WSCD1: variants seen among roughly 807,000 people sequenced by gnomAD.
The protein encoded by WSCD1 is WSC domain sialate O sulfotransferase 1.
A neutral mutation model predicts 60.4 loss-of-function variants in WSCD1; 41 were observed. The ratio of observed to expected loss-of-function variants is 0.68; its 90% CI spans 0.53 to 0.88. The LOEUF is 0.88. Among genes scored for constraint, WSCD1 ranks in the 40% least tolerant of loss-of-function variants. WSCD1 has a pLI of 0.00. For missense variants in WSCD1, 784 were observed against 796.2 expected, an observed-to-expected ratio of 0.98 and a Z score of 0.18; for synonymous variants, 361 against 332.5, an observed-to-expected ratio of 1.09 and a Z score of -0.93.
rs962418683 is a variant in WSCD1, at chr17:6,079,566, C to T, written c.-288-805C>T. Among the ~76,000 whole-genome samples, 27 of 152,164 alleles carry T rather than the reference C, an allele frequency of 1.8e-4. 1 individual carries two copies. The highest frequency in any genetic ancestry group is 4.8e-5 in the African/African-American group (2 of 41,430). On this transcript the variant is annotated intron_variant, in intron 1 of 8. Transcript: ENST00000317744. ...TCTGTTTGCAGGTGCACGGCTCAGG[C>T]GCTACCCTGGTCCTTTGATTCTGGC...
chr17:6,073,734 G>A (rs1456665737), intron 1 of WSCD1, among the ~76,000 whole-genome samples: 2 of 152,246 alleles, frequency 1.3e-5, no homozygotes, highest in East Asian at 3.9e-4. Flanking sequence ...ACCAGGAAAG[G>A]AAAAATGCCG....
rs374556318 is a variant in WSCD1 at position 6,120,561 on chromosome 17, C to T, written c.1628C>T (p.Pro543Leu). 1.4e-5 allele frequency: 23 copies of T among 1,613,676 alleles called. No homozygotes were observed. Among genetic ancestry groups the T allele is most frequent in the East Asian group, 2.2e-5 (1 of 44,880 alleles). The change falls in exon 9 of 9, where the codon CCG (proline) becomes CTG (leucine). Residue 543 changes from proline to leucine, a missense_variant. By Grantham distance (98) the Pro-to-Leu change is moderately conservative. Transcript: ENST00000317744. ...RRSHDPEPFTPEMKDLINGYI... is the reference protein window; with the variant it reads ...RRSHDPEPFTLEMKDLINGYI... ...TCCCACGACCCTGAGCCCTTCACCC[C>T]GGAGATGAAAGACTTGATCAATGGC...
intron 2 of WSCD1, among the ~76,000 whole-genome samples, chr17:6,085,329 T>C (rs945954831): frequency 2.6e-5 from 4 of 152,244 alleles, no homozygotes; most frequent in African/African-American, 9.6e-5. Flanking sequence ...GTAATTTAAA[T>C]GTTTTCATTA....
Position 6,087,971 on chromosome 17 carries a change from C to A in WSCD1, c.428-19C>A, listed in dbSNP as rs1201611375. ...TGATTCCTGGGCCTCTGGTATTAGC[C>A]ATGCTTCCCTTTCTGCAGGCACCTA... On this transcript the variant is annotated intron_variant, in intron 2 of 8. Transcript: ENST00000317744. 1 of 1,592,280 alleles carries A rather than the reference C, an allele frequency of 6.3e-7. No individual in the cohort carries two copies. Among genetic ancestry groups the A allele is most frequent in the Admixed American group, 1.7e-5 (1 of 59,990 alleles).
intron 1 of WSCD1, among the ~76,000 whole-genome samples, chr17:6,073,560 G>A (rs1908671203): frequency 6.6e-6 from 1 of 152,224 alleles, no homozygotes; most frequent in Non-Finnish European, 1.5e-5. Flanking sequence ...AACCCAGGAG[G>A]CGGAGGTTGC....
At chr17:6,111,420 G>A (rs184825376) in intron 7 of WSCD1, among the ~76,000 whole-genome samples, 1 of 152,192 alleles carries the variant, frequency 6.6e-6, no homozygotes, top group Non-Finnish European at 1.5e-5. Context: ...AAGCAAGGAG[G>A]CCAGGCGCAG....
chr17:6,109,195 C>A (rs1283973092), intron 5 of WSCD1, among the ~76,000 whole-genome samples: 2 of 152,160 alleles, frequency 1.3e-5, no homozygotes, highest in African/African-American at 4.8e-5. Context: ...TGCAGACATC[C>A]ACTCATATGG....
At chr17:6,086,250 C>CTTAAT in intron 2 of WSCD1, among the ~76,000 whole-genome samples, 1 of 98,232 alleles carries the variant, frequency 1.0e-5, no homozygotes, top group East Asian at 3.0e-4. Context: ...GTCCTGACTT[C>CTTAAT]ATATATATAT....
chr17:6,088,710 A>G (rs1909820673), intron 3 of WSCD1, among the ~76,000 whole-genome samples: 1 of 151,798 alleles, frequency 6.6e-6, no homozygotes, highest in African/African-American at 2.4e-5. Context: ...ACACACACAC[A>G]CACACATCTG....
chr17:6,072,665 G>A (rs965659998), intron 1 of WSCD1, among the ~76,000 whole-genome samples: 1 of 152,216 alleles, frequency 6.6e-6, no homozygotes, highest in African/African-American at 2.4e-5. Context: ...CCAGAGCTGG[G>A]CCCTAACATC....
rs1485417842 is a variant in WSCD1, at chr17:6,120,918, C to T, written c.*257C>T. Reference sequence around the variant, plus strand: ...AGACACCACTCCAGGCTCATAGCCCCGTCTTGATGCAGAGAAGCCACCCAC... The same window carrying T: ...AGACACCACTCCAGGCTCATAGCCCTGTCTTGATGCAGAGAAGCCACCCAC... On this transcript the variant is annotated 3_prime_UTR_variant, in exon 9 of 9. Coordinates refer to ENST00000317744, the MANE Select transcript of WSCD1 (RefSeq NM_015253.2). 10 of 518,730 alleles carry T rather than the reference C, an allele frequency of 1.9e-5. No homozygotes were observed. The highest frequency in any genetic ancestry group is 3.8e-5 in the African/African-American group (2 of 52,492). The allele number at this position is 518,730 out of a possible 1,614,324, so 32.1% of individuals were successfully genotyped here.
intron 1 of WSCD1, among the ~76,000 whole-genome samples, chr17:6,079,795 TGTGGTAGTGTCTCATTGCAG>T (rs1383289718): frequency 3.3e-5 from 5 of 152,184 alleles, no homozygotes; most frequent in East Asian, 1.9e-4. Flanking sequence ...TACATTTATA[TGTGGTAGTGTCTCATTGCAG>T]GCTGGGCCAT....
intron 7 of WSCD1, among the ~76,000 whole-genome samples, chr17:6,113,123 A>G (rs1446638015): frequency 1.3e-5 from 2 of 152,248 alleles, no homozygotes; most frequent in Admixed American, 6.5e-5. Flanking sequence ...AACAAAATAG[A>G]GAACCCAGAA....
intron 1 of WSCD1, among the ~76,000 whole-genome samples, chr17:6,073,345 C>A (rs1446336018): frequency 6.6e-6 from 1 of 152,158 alleles, no homozygotes; most frequent in Non-Finnish European, 1.5e-5. Context: ...AAAGAGATAG[C>A]CCAGGCCAGG....
upstream of WSCD1, chr17:6,069,379 C>T: frequency 2.5e-6 from 1 of 397,374 alleles, no homozygotes. Context: ...CAGCCTCTTT[C>T]CACCTCGGTG....
In WSCD1 at chr17:6,077,284, T is replaced by C. The variant is rs1251249876; in HGVS notation, c.-288-3087T>C. Among the ~76,000 whole-genome samples the C allele has an allele frequency of 2.0e-5, 3 of 152,214 alleles. No homozygotes were observed. In the South Asian group the frequency reaches 6.2e-4, roughly 32 times the overall value. ...TTGTATTTTTAGTAGAGACGGGGTT[T>C]CACCATGTTGGCCAGGATGGTCTCC... is the stretch of plus-strand genomic sequence containing the variant. On this transcript the variant is annotated intron_variant, in intron 1 of 8. Coordinates refer to ENST00000317744, the MANE Select transcript of WSCD1 (RefSeq NM_015253.2).
intron 5 of WSCD1, among the ~76,000 whole-genome samples, chr17:6,098,479 C>T (rs1190798077): frequency 6.6e-6 from 1 of 152,208 alleles, no homozygotes; most frequent in Non-Finnish European, 1.5e-5. Flanking sequence ...CCTCACAACG[C>T]ATTTCAAGGA....
chr17:6,074,439 C>T (rs998233614), intron 1 of WSCD1, among the ~76,000 whole-genome samples: 2 of 152,248 alleles, frequency 1.3e-5, no homozygotes, highest in African/African-American at 4.8e-5. Context: ...TTTTCAGGGG[C>T]ATTCCCTGTG....
At position 6,075,436 on chromosome 17, in the gene WSCD1, C is replaced by T. The variant is rs976986343; in HGVS notation, c.-289+4784C>T. 6.6e-6 allele frequency among the ~76,000 whole-genome samples: 1 copy of T among 152,152 alleles called. No homozygotes were observed. The highest frequency in any genetic ancestry group is 1.5e-5 in the Non-Finnish European group (1 of 68,016). ...CTGCCACCCCTCAGTCTCTGGACCC[C>T]TAGCCTGGCTGAGAAGTGGCCACCT... On this transcript the variant is annotated intron_variant, in intron 1 of 8. Coordinates refer to ENST00000317744, the MANE Select transcript of WSCD1 (RefSeq NM_015253.2). This position sits in a 1 kb window ranked among gnomAD's most constrained non-coding sequence, Gnocchi z 4.1.
Sources: gnomAD v4.1 joint callset for allele counts (sites outside exome capture counted in the v4.1 genomes callset) on GRCh38, gnomAD v4.1.1 for gene constraint, Gnocchi (gnomAD v3.1) non-coding constraint, MANE v1.5 for transcripts, NCBI Gene and HGNC (gene_info 2026-07-23, HGNC 2026-07-21) for gene names.